GPR89A: variants seen among roughly 807,000 people sequenced by gnomAD.
GPR89A encodes G protein-coupled receptor 89A.
Under a neutral mutation model 52.0 loss-of-function variants are expected in GPR89A, and 16 were observed. That is an observed-to-expected ratio of 0.31 (90% CI 0.21 to 0.47). The LOEUF (loss-of-function observed/expected upper bound fraction) is 0.47. Among genes scored for constraint, GPR89A ranks in the 20% least tolerant of loss-of-function variants. GPR89A has a pLI of 1.00. For missense variants in GPR89A, 135 were observed against 449.4 expected, an observed-to-expected ratio of 0.30 and a Z score of 6.33; for synonymous variants, 55 against 150.9, an observed-to-expected ratio of 0.36 and a Z score of 4.66.
At chr1:145,612,664 A>G (rs1553686384) in intron 1 of GPR89A, among the ~76,000 whole-genome samples, 2 of 152,168 alleles carry the variant, frequency 1.3e-5, no homozygotes, top group African/African-American at 2.4e-5. Context: ...CCTGTAGTAT[A>G]GTAAATGCTC....
intron 8 of GPR89A, 50 bp from the exon 9 acceptor site, chr1:145,646,134 A>G (rs1650973296): frequency 6.2e-7 from 1 of 1,613,774 alleles, no homozygotes. Context: ...TCTCATTGCC[A>G]TTTCTTGAAT....
rs587738129 is a variant in GPR89A at position 145,647,241 on chromosome 1, A to G, written c.883A>G (p.Ile295Val). The change falls in exon 10 of 14, where the codon ATT becomes GTT. Residue 295 changes from isoleucine (I) to valine (V), a missense_variant. By Grantham distance (29) the Ile-to-Val change is conservative. Transcript: ENST00000313835. ...TAATTTTCTTGGTTACTTTTTCTCT[A>G]TTTACTGTGTTTGGAAAATTTTCAT... ...YFNFLGYFFSIYCVWKIFMAT... is the reference protein window; with the variant it reads ...YFNFLGYFFSVYCVWKIFMAT... 1.2e-4 allele frequency: 184 copies of G among 1,561,884 alleles called. No homozygotes were observed. The South Asian group carries it at 2.0e-3, about 17-fold the overall frequency.
At chr1:145,653,034 C>T (rs1553693856) in intron 10 of GPR89A, among the ~76,000 whole-genome samples, 2 of 139,980 alleles carry the variant, frequency 1.4e-5, no homozygotes, top group South Asian at 2.3e-4. Context: ...GGTTTGTTTG[C>T]TCTTGGTTCT....
At chr1:145,662,853 C>CT (rs1283457100) in intron 10 of GPR89A, among the ~76,000 whole-genome samples, 148,272 of 148,274 alleles carry the variant, frequency 1, 74,135 homozygotes, top group Non-Finnish European at 1. Flanking sequence ...TCCCTTTTTC[C>CT]TTTTTTAAAC....
intron 7 of GPR89A, among the ~76,000 whole-genome samples, chr1:145,632,164 A>G (rs1416350720): frequency 1.3e-5 from 2 of 152,040 alleles, no homozygotes; most frequent in African/African-American, 2.4e-5. Context: ...TTATGGTTGT[A>G]TGTATTTGTG....
Position 145,646,200 on chromosome 1 carries a change from A to G in GPR89A, c.744A>G (p.Gln248=). Residue 248 remains glutamine (Q), a synonymous_variant, in exon 9 of 14, where the codon CAA becomes CAG. Transcript: ENST00000313835. ...ASGSENLTLI[Q]QEVDALEELS... ...CTGTGCCAGATCTTACTCTTATTCA[A>G]CAGGAAGTGGATGCTTTGGAAGAAT... is the stretch of plus-strand genomic sequence containing the variant. The G allele has an allele frequency of 6.2e-7, 1 of 1,611,764 alleles. No homozygotes were observed. The highest frequency in any genetic ancestry group is 8.5e-7 in the Non-Finnish European group (1 of 1,178,146).
chr1:145,639,453 AT>A (rs1650477986), intron 7 of GPR89A, among the ~76,000 whole-genome samples: 1 of 152,094 alleles, frequency 6.6e-6, no homozygotes, highest in African/African-American at 2.4e-5. Flanking sequence ...GAACCCAGAA[AT>A]ACCGACACAT....
At chr1:145,637,093 G>C (rs140500634) in intron 7 of GPR89A, among the ~76,000 whole-genome samples, 5,900 of 152,114 alleles carry the variant, frequency 0.039, 319 homozygotes, top group African/African-American at 0.13. Flanking sequence ...GAGAGTCTAT[G>C]CTTGATATAC....
At chr1:145,623,821 AAAT>A (rs1313507465) in intron 5 of GPR89A, 107 bp downstream of exon 5, 1 of 904,722 alleles carries the variant, frequency 1.1e-6, no homozygotes, top group Non-Finnish European at 1.7e-6. Context: ...GTATTTGGGG[AAAT>A]AATTTATTAA....
chr1:145,614,198 G>C lies in GPR89A; in HGVS notation c.43-2036G>C, dbSNP rs587613433. Among the ~76,000 whole-genome samples the C allele has an allele frequency of 4.6e-5, 7 of 152,198 alleles. No individual in the cohort carries two copies. In the South Asian group the frequency reaches 6.2e-4, roughly 14 times the overall value. On this transcript the variant is annotated intron_variant, in intron 1 of 13. Coordinates refer to ENST00000313835, the MANE Select transcript of GPR89A (RefSeq NM_001097612.2). ...AAAAATGCACATAACCCCAAAATGT[G>C]CATACAATATCAGGTTTTAACCCCA...
chr1:145,665,233 A>G (rs782347340), intron 11 of GPR89A, among the ~76,000 whole-genome samples: 1 of 152,062 alleles, frequency 6.6e-6, no homozygotes, highest in Non-Finnish European at 1.5e-5. Flanking sequence ...CTGTAATACC[A>G]ACACTTTGGG....
chr1:145,617,296 G>A lies in GPR89A; in HGVS notation c.102+1003G>A, dbSNP rs1205500715. 4.6e-5 allele frequency among the ~76,000 whole-genome samples: 7 copies of A among 152,220 alleles called. No homozygotes were observed. In the South Asian group the frequency reaches 6.2e-4, roughly 14 times the overall value. ...GTATGACTCTATTCTGCCCAACCCCGCAAGCAGTCAGACCTTATGGTTATC... is the reference window on the plus strand; with the variant it reads ...GTATGACTCTATTCTGCCCAACCCCACAAGCAGTCAGACCTTATGGTTATC... On this transcript the variant is annotated intron_variant, in intron 2 of 13. Transcript: ENST00000313835.
At chr1:145,660,528 AT>A (rs1652119919) in intron 10 of GPR89A, among the ~76,000 whole-genome samples, 1 of 151,734 alleles carries the variant, frequency 6.6e-6, no homozygotes, top group South Asian at 2.1e-4. Flanking sequence ...AACCTACAGA[AT>A]GGGAGAAAAT....
rs1177678915 is a variant in GPR89A at position 145,670,148 on chromosome 1, A to G, written c.*108A>G. On this transcript the variant is annotated 3_prime_UTR_variant, in exon 14 of 14. Coordinates refer to ENST00000313835, the MANE Select transcript of GPR89A (RefSeq NM_001097612.2). Reference sequence around the variant, plus strand: ...ACATTTTATAAACAAACAAAATGCTATGGTAGCATTTTTCACCTTCATAGC... The same window carrying G: ...ACATTTTATAAACAAACAAAATGCTGTGGTAGCATTTTTCACCTTCATAGC... 8 of 1,551,884 alleles carry G rather than the reference A, an allele frequency of 5.2e-6. No homozygotes were observed. The highest frequency in any genetic ancestry group is 2.3e-5 in the East Asian group (1 of 43,958).
intron 7 of GPR89A, among the ~76,000 whole-genome samples, chr1:145,632,947 G>A (rs1325038830): frequency 6.6e-6 from 1 of 151,728 alleles, no homozygotes; most frequent in Non-Finnish European, 1.5e-5. Context: ...ATTCTGACAG[G>A]TATGAGGTGA....
chr1:145,648,370 G>A (rs1241765819), intron 10 of GPR89A, among the ~76,000 whole-genome samples: 1 of 151,452 alleles, frequency 6.6e-6, no homozygotes, highest in Non-Finnish European at 1.5e-5. Flanking sequence ...ATAATACTCA[G>A]ATGACATTTT....
chr1:145,659,500 A>G (rs1359928532), intron 10 of GPR89A, among the ~76,000 whole-genome samples: 1 of 151,214 alleles, frequency 6.6e-6, no homozygotes, highest in Admixed American at 6.6e-5. Context: ...TTAACCTTTT[A>G]AAGAACTACC....
rs1310019603 is a variant in GPR89A at position 145,667,974 on chromosome 1, G to A, written c.1096-1651G>A. Reference sequence around the variant, plus strand: ...GTACCATGCTGTTTTGGTTACTGTAGCCTTGTAGTATAGCTTGAAGTCAGG... The same window carrying A: ...GTACCATGCTGTTTTGGTTACTGTAACCTTGTAGTATAGCTTGAAGTCAGG... On this transcript the variant is annotated intron_variant, in intron 12 of 13. Coordinates refer to ENST00000313835, the MANE Select transcript of GPR89A (RefSeq NM_001097612.2). Among the ~76,000 whole-genome samples, 3 of 152,286 alleles carry A rather than the reference G, an allele frequency of 2.0e-5. No homozygotes were observed. The East Asian group carries it at 5.8e-4, about 29-fold the overall frequency.
chr1:145,657,388 C>T (rs1651879465), intron 10 of GPR89A, among the ~76,000 whole-genome samples: 1 of 144,070 alleles, frequency 6.9e-6, no homozygotes, highest in African/African-American at 2.6e-5. Context: ...GAGACTCTGT[C>T]TCAAAAAAAA....
Sources: allele counts gnomAD v4.1 joint callset (sites outside exome capture counted in the v4.1 genomes callset), GRCh38; gene constraint gnomAD v4.1.1; transcripts MANE v1.5; gene names NCBI Gene and HGNC (gene_info 2026-07-23, HGNC 2026-07-21).